REPS1: variants seen among roughly 807,000 people sequenced by gnomAD.
REPS1 encodes the protein RALBP1 associated Eps domain containing 1, also known as ralBP1-associated Eps domain-containing protein 1.
In REPS1, 39 loss-of-function variants were observed where a neutral mutation model predicts 100.9. The ratio of observed to expected loss-of-function variants is 0.39; its 90% CI spans 0.30 to 0.50. REPS1 has a LOEUF of 0.50. REPS1 is among the 20% of genes least tolerant of loss of function. The pLI is 0.86. For synonymous variants in REPS1, 324 were observed against 340.3 expected (o/e 0.95, Z 0.53); for missense variants, 821 against 968.5 (o/e 0.85, Z 2.02).
At chr6:138,958,334 C>T (rs1051988013) in intron 1 of REPS1, among the ~76,000 whole-genome samples, 2 of 152,152 alleles carry the variant, frequency 1.3e-5, no homozygotes, top group African/African-American at 4.8e-5. Flanking sequence ...TTCTTGTGAA[C>T]TATCTGACTT....
chr6:138,909,025 C>A (rs750147847), intron 17 of REPS1: 1 of 520,042 alleles, frequency 1.9e-6, no homozygotes, highest in East Asian at 3.4e-5. Flanking sequence ...CATGAATGTA[C>A]CTGCAATATA....
chr6:138,971,445 T>G (rs61198196), intron 1 of REPS1, among the ~76,000 whole-genome samples: 22,502 of 151,684 alleles, frequency 0.15, 1,761 homozygotes, highest in African/African-American at 0.18. Flanking sequence ...TGGAACTCTG[T>G]AGAAGTTTTG....
At chr6:138,946,552 A>G (rs1411946330) in intron 2 of REPS1, among the ~76,000 whole-genome samples, 2 of 152,184 alleles carry the variant, frequency 1.3e-5, no homozygotes, top group Non-Finnish European at 2.9e-5. Flanking sequence ...AGAATTCAAA[A>G]TTACCTGAAA....
chr6:138,984,991 TGTCATTC>T (rs1562574612), intron 1 of REPS1, among the ~76,000 whole-genome samples: 2 of 152,142 alleles, frequency 1.3e-5, no homozygotes, highest in African/African-American at 4.8e-5. Context: ...ACTGAAAGAG[TGTCATTC>T]CTTACCCTTT....
chr6:138,985,171 C>T (rs1422778857), intron 1 of REPS1, among the ~76,000 whole-genome samples: 2 of 152,290 alleles, frequency 1.3e-5, no homozygotes, highest in East Asian at 3.9e-4. Context: ...ACACTTTCCA[C>T]TTCTGATCAC....
At chr6:138,966,453 C>T (rs142733095) in intron 1 of REPS1, among the ~76,000 whole-genome samples, 1 of 152,242 alleles carries the variant, frequency 6.6e-6, no homozygotes, top group African/African-American at 2.4e-5. Flanking sequence ...TGTGCACACA[C>T]AATGTGTCAG....
In REPS1 at chr6:138,945,389, T is replaced by A. The variant is rs774486316; in HGVS notation, c.475-17A>T. 1.9e-6 allele frequency: 3 copies of A among 1,591,120 alleles called. No homozygotes were observed. Among genetic ancestry groups the A allele is most frequent in the Admixed American group, 3.7e-5 (2 of 54,606 alleles). On this transcript the variant is annotated splice_polypyrimidine_tract_variant and intron_variant, in intron 3 of 19. Coordinates refer to ENST00000450536, the MANE Select transcript of REPS1 (RefSeq NM_001286611.2). ...TGCAGGTTCCTAGAAAAGAATATTATTTTAAAATTTTAACTTTAAGGAGAC... is the reference window on the plus strand; with the variant it reads ...TGCAGGTTCCTAGAAAAGAATATTAATTTAAAATTTTAACTTTAAGGAGAC...
chr6:138,921,331 T>TA (rs564958834), intron 10 of REPS1, among the ~76,000 whole-genome samples: 2,010 of 143,700 alleles, frequency 0.014, 19 homozygotes, highest in Non-Finnish European at 0.02. Flanking sequence ...TCTGCTTAAT[T>TA]AAAAAAAAAA....
intron 8 of REPS1, among the ~76,000 whole-genome samples, chr6:138,935,229 AT>A (rs1781730704): frequency 6.6e-6 from 1 of 152,230 alleles, no homozygotes; most frequent in Admixed American, 6.5e-5. Flanking sequence ...GTTTAAAAAA[AT>A]CAAAGTAAAA....
intron 1 of REPS1, among the ~76,000 whole-genome samples, chr6:138,951,353 G>T (rs1465088632): frequency 6.6e-6 from 1 of 151,874 alleles, no homozygotes; most frequent in Non-Finnish European, 1.5e-5. Flanking sequence ...TTTCTCTTTG[G>T]TCCATTAATA....
In REPS1 at chr6:138,928,041, AG is replaced by A. The variant is rs77138187; in HGVS notation, c.1258-1561del. ...TGCATGTAAGTTACCTGGAGGACAA[AG>A]GGACTCTCTTATCATCTTCATACTT... On this transcript the variant is annotated intron_variant, in intron 9 of 19. Coordinates refer to ENST00000450536, the MANE Select transcript of REPS1 (RefSeq NM_001286611.2). The A allele has an allele frequency of 2.4e-4, 37 of 152,264 alleles. No homozygotes were observed. In the East Asian group the frequency reaches 5.4e-3, roughly 22 times the overall value. The allele number at this position is 152,264 out of a possible 1,614,324, so 9.4% of individuals were successfully genotyped here. A position where few individuals can be genotyped will look rare whatever the true frequency, so the allele number is the denominator to read the frequency against.
chr6:138,910,508 C>T (rs907760264), intron 17 of REPS1, among the ~76,000 whole-genome samples: 2 of 152,134 alleles, frequency 1.3e-5, no homozygotes, highest in African/African-American at 2.4e-5. Context: ...CGCATACCAC[C>T]ACACACGGCT....
intron 1 of REPS1, among the ~76,000 whole-genome samples, chr6:138,956,154 T>C (rs1049401448): frequency 1.1e-4 from 16 of 152,118 alleles, no homozygotes; most frequent in African/African-American, 3.9e-4. Flanking sequence ...GAACCCAGGA[T>C]TTTACCTGCT....
At chr6:138,968,944 T>C (rs1310831765) in intron 1 of REPS1, among the ~76,000 whole-genome samples, 1 of 152,176 alleles carries the variant, frequency 6.6e-6, no homozygotes, top group South Asian at 2.1e-4. Flanking sequence ...TGTGCAAGAA[T>C]TGGGTACACA....
chr6:138,956,348 A>G (rs985213061), intron 1 of REPS1, among the ~76,000 whole-genome samples: 1 of 152,064 alleles, frequency 6.6e-6, no homozygotes, highest in Non-Finnish European at 1.5e-5. Flanking sequence ...TTGCCCAACA[A>G]AATCCAGAGA....
chr6:138,985,464 C>T (rs1785204984), intron 1 of REPS1, among the ~76,000 whole-genome samples: 1 of 152,192 alleles, frequency 6.6e-6, no homozygotes, highest in African/African-American at 2.4e-5. Context: ...CCAAATGTTT[C>T]CCACTTAGAA....
intron 10 of REPS1, among the ~76,000 whole-genome samples, chr6:138,923,677 C>T (rs895334556): frequency 1.3e-5 from 2 of 152,146 alleles, no homozygotes; most frequent in Non-Finnish European, 2.9e-5. Context: ...TTTCTGGAAA[C>T]AAGACCATCA....
intron 1 of REPS1, among the ~76,000 whole-genome samples, chr6:138,961,909 T>C (rs1256815953): frequency 6.6e-6 from 1 of 152,160 alleles, no homozygotes; most frequent in African/African-American, 2.4e-5. Flanking sequence ...AGTAGTGAAC[T>C]AAGGAGTGCA....
intron 1 of REPS1, among the ~76,000 whole-genome samples, chr6:138,956,321 C>T (rs563980119): frequency 2.0e-5 from 3 of 152,036 alleles, no homozygotes; most frequent in East Asian, 3.9e-4. Context: ...CAAGAATACC[C>T]ATGGAGAAGA....
Sources: allele counts gnomAD v4.1 joint callset (sites outside exome capture counted in the v4.1 genomes callset), GRCh38; gene constraint gnomAD v4.1.1; transcripts MANE v1.5; gene names NCBI Gene and HGNC (gene_info 2026-07-23, HGNC 2026-07-21).